Variants in KCNN2 observed in about 807,000 individuals in gnomAD.
The protein encoded by KCNN2 is potassium calcium-activated channel subfamily N member 2, also known as small conductance calcium-activated potassium channel protein 2.
In KCNN2, 24 loss-of-function variants were observed where a neutral mutation model predicts 55.5. That is an observed-to-expected ratio of 0.43 (90% confidence interval 0.31 to 0.61). KCNN2 has a LOEUF of 0.61. Ranked by LOEUF, KCNN2 falls within the 20% of genes least tolerant of loss-of-function variation. The pLI, the probability that KCNN2 is intolerant of heterozygous loss-of-function variation, is 0.08. For synonymous variants in KCNN2, 431 were observed against 336.1 expected (o/e 1.28, Z -3.09); for missense variants, 754 against 853.6 (o/e 0.88, Z 1.45).
At chr5:114,294,576 G>A (rs1285483377) in intron 2 of KCNN2, among the ~76,000 whole-genome samples, 3 of 151,462 alleles carry the variant, frequency 2.0e-5, no homozygotes, top group East Asian at 3.9e-4. Context: ...TATAATTTCT[G>A]TTCTTTTACA....
chr5:114,156,622 A>G (rs1316447540), intron 1 of KCNN2, among the ~76,000 whole-genome samples: 1 of 151,874 alleles, frequency 6.6e-6, no homozygotes, highest in Admixed American at 6.6e-5. Flanking sequence ...GTATTTCTAG[A>G]TATTTTATTC....
At chr5:114,331,011 T>TGA (rs1756811263) in intron 2 of KCNN2, among the ~76,000 whole-genome samples, 1 of 152,226 alleles carries the variant, frequency 6.6e-6, no homozygotes, top group Admixed American at 6.5e-5. Context: ...GTGAATGAAC[T>TGA]CCTTGCTACA....
intron 2 of KCNN2, among the ~76,000 whole-genome samples, chr5:114,382,708 C>T (rs1758159695): frequency 6.6e-6 from 1 of 152,098 alleles, no homozygotes; most frequent in Non-Finnish European, 1.5e-5. Context: ...TTCCATTTTC[C>T]CATTTGTGCC....
chr5:114,176,028 T>C (rs946995653), intron 1 of KCNN2, among the ~76,000 whole-genome samples: 4 of 152,222 alleles, frequency 2.6e-5, no homozygotes, highest in Admixed American at 2.6e-4. Flanking sequence ...GTTTTCTTTT[T>C]TGTTGTTGCC....
Position 114,204,907 on chromosome 5 carries a change from G to A in KCNN2, c.-270-16573G>A, listed in dbSNP as rs148654397. On this transcript the variant is annotated intron_variant, in intron 1 of 10. Coordinates refer to the KCNN2 transcript ENST00000512097. ...ATACAATTTCCAAAACGTAGTAAAGGTCACATCAAGACATTATAGCATAAG... is the reference window on the plus strand; with the variant it reads ...ATACAATTTCCAAAACGTAGTAAAGATCACATCAAGACATTATAGCATAAG... Among the ~76,000 whole-genome samples, 653 of 152,244 alleles carry A rather than the reference G, an allele frequency of 4.3e-3. 3 individuals are homozygous for A. Among genetic ancestry groups the A allele is most frequent in the Middle Eastern group, 0.02 (6 of 294 alleles).
At chr5:114,352,244 C>T (rs1253855526) in intron 2 of KCNN2, among the ~76,000 whole-genome samples, 1 of 151,596 alleles carries the variant, frequency 6.6e-6, no homozygotes, top group African/African-American at 2.4e-5. Flanking sequence ...CTTTTCATTT[C>T]TGTAAGGTTA....
At chr5:114,106,769 A>C (rs1386167816) in intron 1 of KCNN2, among the ~76,000 whole-genome samples, 1 of 151,160 alleles carries the variant, frequency 6.6e-6, no homozygotes, top group Non-Finnish European at 1.5e-5. Context: ...TAATAACTTC[A>C]TATATTCTGG....
rs1561537255 is a variant in KCNN2, at chr5:114,241,805, CGT to C, written c.-185+20241_-185+20242del. ...ATACGTATATATATGTATATATATA[CGT>C]ATATATATATATGTGTGTATATATA... is the stretch of plus-strand genomic sequence containing the variant. On this transcript the variant is annotated intron_variant, in intron 2 of 10. Coordinates refer to the KCNN2 transcript ENST00000512097. Among the ~76,000 whole-genome samples, 5 of 17,878 alleles carry C rather than the reference CGT, an allele frequency of 2.8e-4. 1 individual carries two copies. The highest frequency in any genetic ancestry group is 1.3e-3 in the African/African-American group (5 of 3,828). The allele number at this position is 17,878 out of a possible 152,430, so 11.7% of individuals were successfully genotyped here. A position where few individuals can be genotyped will look rare whatever the true frequency, so the allele number is the denominator to read the frequency against.
chr5:114,495,294 CATT>C (rs1294115898), intron 7 of KCNN2, among the ~76,000 whole-genome samples: 3 of 152,138 alleles, frequency 2.0e-5, no homozygotes, highest in African/African-American at 7.2e-5. Flanking sequence ...GTAAAAATTC[CATT>C]TGACCCAATG....
In KCNN2 at chr5:114,255,530, G is replaced by C. The variant is rs1212187092; in HGVS notation, c.-185+33965G>C. Reference sequence around the variant, plus strand: ...ACACATGATGAGAGATGAAAGCCTGGGAGGTAGGCAGGAGCCAGATAAGGC... The same window carrying C: ...ACACATGATGAGAGATGAAAGCCTGCGAGGTAGGCAGGAGCCAGATAAGGC... On this transcript the variant is annotated intron_variant, in intron 2 of 10. Coordinates refer to the KCNN2 transcript ENST00000512097. 2.6e-5 allele frequency among the ~76,000 whole-genome samples: 4 copies of C among 152,184 alleles called. No individual in the cohort carries two copies. In the South Asian group the frequency reaches 6.2e-4, roughly 24 times the overall value.
intron 2 of KCNN2, among the ~76,000 whole-genome samples, chr5:114,332,932 C>A (rs1041950592): frequency 2.0e-5 from 3 of 152,154 alleles, no homozygotes; most frequent in Non-Finnish European, 4.4e-5. Flanking sequence ...ATGTCAGATT[C>A]ACCTAATTCC....
chr5:114,420,860 T>C (rs940662505), intron 3 of KCNN2, among the ~76,000 whole-genome samples: 4 of 152,224 alleles, frequency 2.6e-5, no homozygotes, highest in Non-Finnish European at 5.9e-5. Flanking sequence ...TCTGGCTCAT[T>C]TTGGCTGGGC....
At chr5:114,151,305 T>G (rs1752519279) in intron 1 of KCNN2, among the ~76,000 whole-genome samples, 1 of 152,112 alleles carries the variant, frequency 6.6e-6, no homozygotes, top group African/African-American at 2.4e-5. Context: ...AGTTAAAACT[T>G]GATTAAATGG....
intron 3 of KCNN2, among the ~76,000 whole-genome samples, chr5:114,408,201 CTTT>C (rs767007143): frequency 7.2e-6 from 1 of 139,770 alleles, no homozygotes; most frequent in Non-Finnish European, 1.6e-5. Context: ...GGCTTTCTAG[CTTT>C]TTTTTTTTTT....
chr5:114,400,310 A>G (rs577540360), intron 2 of KCNN2, among the ~76,000 whole-genome samples: 5 of 152,264 alleles, frequency 3.3e-5, no homozygotes, highest in Admixed American at 1.3e-4. Flanking sequence ...TTGGTATGCT[A>G]TAAGATCTTT....
chr5:114,113,390 C>G (rs1561481177), intron 1 of KCNN2, among the ~76,000 whole-genome samples: 1 of 151,862 alleles, frequency 6.6e-6, no homozygotes, highest in Non-Finnish European at 1.5e-5. Flanking sequence ...TAATCACATA[C>G]TTAATGTGGA....
At chr5:114,157,187 G>A (rs1313468309) in intron 1 of KCNN2, among the ~76,000 whole-genome samples, 1 of 136,314 alleles carries the variant, frequency 7.3e-6, no homozygotes, top group Non-Finnish European at 1.5e-5. Flanking sequence ...CCTGGTGTGT[G>A]ATGTTTCCCT....
chr5:114,248,719 TAG>T (rs1483596844), intron 2 of KCNN2, among the ~76,000 whole-genome samples: 1 of 152,180 alleles, frequency 6.6e-6, no homozygotes, highest in Non-Finnish European at 1.5e-5. Context: ...TTTCTGACCA[TAG>T]AGAGACACAA....
intron 2 of KCNN2, among the ~76,000 whole-genome samples, chr5:114,287,774 GA>G (rs973045500): frequency 4.6e-5 from 7 of 151,156 alleles, no homozygotes; most frequent in African/African-American, 1.7e-4. Flanking sequence ...AAAAGAAGAA[GA>G]ATACTCAGAG....
Sources: gnomAD v4.1 joint callset for allele counts (sites outside exome capture counted in the v4.1 genomes callset) on GRCh38, gnomAD v4.1.1 for gene constraint, MANE v1.5 for transcripts, NCBI Gene and HGNC (gene_info 2026-07-23, HGNC 2026-07-21) for gene names.